Variants in TP53BP1 observed in about 807,000 individuals in gnomAD.
The protein encoded by TP53BP1 is TP53-binding protein 1.
TP53BP1 carries 61 observed loss-of-function variants against 200.8 expected under a neutral mutation model. The ratio of observed to expected loss-of-function variants is 0.30; its 90% confidence interval spans 0.25 to 0.38. TP53BP1 has a LOEUF of 0.38. Ranked by LOEUF, TP53BP1 falls within the 10% of genes least tolerant of loss-of-function variation. The pLI is 1.00. For synonymous variants in TP53BP1, 822 were observed against 844.3 expected, an observed-to-expected ratio of 0.97 and a Z score of 0.46; for missense variants, 2,144 against 2,371.9, an observed-to-expected ratio of 0.90 and a Z score of 2.00.
upstream of TP53BP1, among the ~76,000 whole-genome samples, chr15:43,495,109 C>T (rs1194751400): frequency 1.3e-5 from 2 of 148,376 alleles, no homozygotes; most frequent in African/African-American, 5.0e-5. Context: ...AGAGCATCTC[C>T]TGAACTAGGA....
chr15:43,469,824 T>C (rs2140092100), intron 11 of TP53BP1, 34 bp downstream of exon 11: 7 of 1,546,958 alleles, frequency 4.5e-6, no homozygotes, highest in East Asian at 2.3e-5. Flanking sequence ...TAAAAAAATA[T>C]GTTAGGAGAA....
At chr15:43,415,460 TG>T (rs1348978588) in intron 23 of TP53BP1, 133 bp downstream of exon 23, 3 of 879,746 alleles carry the variant, frequency 3.4e-6, no homozygotes, top group Non-Finnish European at 5.6e-6. Flanking sequence ...ATATCACCTG[TG>T]GGCTTGGGCA....
intron 17 of TP53BP1, 47 bp downstream of exon 17, chr15:43,432,147 G>T (rs2045684770): frequency 1.3e-6 from 2 of 1,563,668 alleles, no homozygotes; most frequent in Admixed American, 2.0e-5. Flanking sequence ...TGAGAATCCT[G>T]AAAGTTAAAA....
Position 43,456,033 on chromosome 15 carries a change from G to C in TP53BP1, c.2575C>G (p.Gln859Glu). The change falls in exon 12 of 28, where the codon CAA becomes GAA. Residue 859 changes from glutamine to glutamate, a missense_variant. Around this residue, in one of 4 missense-constraint regions of TP53BP1, gnomAD observed 1,700 missense variants for 1,710.3 expected, o/e 0.99. Transcript: ENST00000382044. ...LRLDQELQQP[Q>E]TQEKTSNSLT... ...GAATTACTTGTTTTCTCCTGAGTTTGGGGCTGCTGCAACTCCTGGTCAAGT... is the reference window on the plus strand; with the variant it reads ...GAATTACTTGTTTTCTCCTGAGTTTCGGGCTGCTGCAACTCCTGGTCAAGT... 1 of 1,614,144 alleles carries C rather than the reference G, an allele frequency of 6.2e-7. No individual in the cohort carries two copies. The highest frequency in any genetic ancestry group is 8.5e-7 in the Non-Finnish European group (1 of 1,180,028).
At chr15:43,508,598 T>A (rs967559866) in intron 1 of TP53BP1, among the ~76,000 whole-genome samples, 2 of 152,186 alleles carry the variant, frequency 1.3e-5, no homozygotes, top group African/African-American at 2.4e-5. Flanking sequence ...TGCCACTATA[T>A]ACCAGCCTTG....
At chr15:43,408,175 T>G in intron 26 of TP53BP1, 87 bp from the exon 27 acceptor site, 1 of 1,352,374 alleles carries the variant, frequency 7.4e-7, no homozygotes, top group Non-Finnish European at 1.0e-6. Context: ...TACATCTGAA[T>G]GCTTTCAAAA....
chr15:43,491,800 A>C, intron 3 of TP53BP1, 47 bp from the exon 4 acceptor site: 2 of 1,503,712 alleles, frequency 1.3e-6, no homozygotes, highest in South Asian at 1.1e-5. Flanking sequence ...TTACCAACAA[A>C]CCTTAATACA....
intron 16 of TP53BP1, among the ~76,000 whole-genome samples, chr15:43,436,546 C>T (rs1354865605): frequency 3.3e-5 from 5 of 152,076 alleles, no homozygotes; most frequent in African/African-American, 1.2e-4. Context: ...GAGACCACAG[C>T]TCCCTGCAGC....
chr15:43,506,053 C>A (rs1452259276), intron 1 of TP53BP1, among the ~76,000 whole-genome samples: 2 of 151,710 alleles, frequency 1.3e-5, no homozygotes, highest in Non-Finnish European at 2.9e-5. Context: ...GAGCTCAGAC[C>A]CCCAGAAAAA....
At chr15:43,455,747 A>G in intron 12 of TP53BP1, 145 bp downstream of exon 12, 1 of 1,119,414 alleles carries the variant, frequency 8.9e-7, no homozygotes, top group East Asian at 2.6e-5. Context: ...AATCCAAAAA[A>G]TTTAATTTCC....
intron 11 of TP53BP1, among the ~76,000 whole-genome samples, chr15:43,468,768 A>G (rs1393602186): frequency 1.3e-5 from 2 of 152,214 alleles, no homozygotes; most frequent in African/African-American, 4.8e-5. Context: ...TTGACTGATG[A>G]GCAAACTAAG....
chr15:43,461,994 A>G (rs1456447771), intron 11 of TP53BP1, among the ~76,000 whole-genome samples: 1 of 151,674 alleles, frequency 6.6e-6, no homozygotes, highest in Non-Finnish European at 1.5e-5. Flanking sequence ...ACATTTTATA[A>G]TATATAATCT....
At position 43,432,618 on chromosome 15, in the gene TP53BP1, C is replaced by T; in HGVS notation, c.3251G>A (p.Gly1084Asp). ...TTGACTCTGCCTGATTGTATGGTCA[C>T]CCTCCAATTTTTCTTTCTCCTCTTC... Reference protein sequence around the residue: ...QGEEEKEKLEGDHTIRQSQQP... With the variant: ...QGEEEKEKLEDDHTIRQSQQP... The change falls in exon 17 of 28, where the codon GGT becomes GAT. Residue 1084 changes from glycine to aspartate, a missense_variant. Around this residue, in one of 4 missense-constraint regions of TP53BP1, gnomAD observed 1,700 missense variants for 1,710.3 expected, o/e 0.99. Coordinates refer to ENST00000382044, the MANE Select transcript of TP53BP1 (RefSeq NM_001141980.3). 1 of 1,611,568 alleles carries T rather than the reference C, an allele frequency of 6.2e-7. No individual in the cohort carries two copies.
chr15:43,503,898 T>C (rs1430924172), intron 1 of TP53BP1, among the ~76,000 whole-genome samples: 1 of 152,096 alleles, frequency 6.6e-6, no homozygotes, highest in South Asian at 2.1e-4. Context: ...ATTCACAGAC[T>C]TTTTTTTCTT....
In TP53BP1 at chr15:43,414,712, C is replaced by CT. The variant is rs199952419; in HGVS notation, c.5089+881dup. ...GAGGGAAGAGCATACTGAAATATGA[C>CT]TTTTTTTTTTTTTGATGGAGTCTCA... On this transcript the variant is annotated intron_variant, in intron 23 of 27. Coordinates refer to ENST00000382044, the MANE Select transcript of TP53BP1 (RefSeq NM_001141980.3). Among the ~76,000 whole-genome samples, 407 of 145,152 alleles carry CT rather than the reference C, an allele frequency of 2.8e-3. 1 individual carries two copies. Among genetic ancestry groups the CT allele is most frequent in the African/African-American group, 5.1e-3 (204 of 39,620 alleles).
chr15:43,454,251 A>C (rs958381178), intron 12 of TP53BP1, among the ~76,000 whole-genome samples: 1 of 152,216 alleles, frequency 6.6e-6, no homozygotes, highest in African/African-American at 2.4e-5. Context: ...ATGGTCACTC[A>C]TACTATCATA....
chr15:43,454,593 C>T (rs1250992970), intron 12 of TP53BP1, among the ~76,000 whole-genome samples: 1 of 152,030 alleles, frequency 6.6e-6, no homozygotes, highest in Non-Finnish European at 1.5e-5. Flanking sequence ...AAACTTCCGA[C>T]CTCAGGCGAT....
At chr15:43,507,016 T>C (rs779302091) in intron 1 of TP53BP1, among the ~76,000 whole-genome samples, 5 of 152,230 alleles carry the variant, frequency 3.3e-5, no homozygotes, top group African/African-American at 7.2e-5. Context: ...CCAAGAAGAT[T>C]TGTGCAACTG....
chr15:43,466,810 T>G (rs924895119), intron 11 of TP53BP1, among the ~76,000 whole-genome samples: 1 of 152,122 alleles, frequency 6.6e-6, no homozygotes, highest in Non-Finnish European at 1.5e-5. Context: ...TGAGCTATGA[T>G]TGCTCCACTG....
Sources: gnomAD v4.1 joint callset for allele counts (sites outside exome capture counted in the v4.1 genomes callset) on GRCh38, gnomAD v4.1.1 for gene constraint, gnomAD v4.1.1 regional missense constraint, MANE v1.5 for transcripts, NCBI Gene and HGNC (gene_info 2026-07-23, HGNC 2026-07-21) for gene names.